Variants in RIMS2 observed in about 807,000 individuals in gnomAD.
RIMS2 encodes regulating synaptic membrane exocytosis 2.
A neutral mutation model predicts 174.4 loss-of-function variants in RIMS2; 59 were observed. That is an observed-to-expected ratio of 0.34 (90% CI 0.27 to 0.42). The LOEUF is 0.42. Ranked by LOEUF, RIMS2 falls within the 10% of genes least tolerant of loss-of-function variation. The pLI, the probability that RIMS2 is intolerant of heterozygous loss-of-function variation, is 1.00. For missense variants in RIMS2, 1,620 were observed against 1,666.3 expected (o/e 0.97, Z 0.48); for synonymous variants, 606 against 572.5 (o/e 1.06, Z -0.84).
intron 3 of RIMS2, among the ~76,000 whole-genome samples, chr8:103,874,058 G>A (rs907649964): frequency 6.6e-6 from 1 of 152,008 alleles, no homozygotes; most frequent in Non-Finnish European, 1.5e-5. Flanking sequence ...CTCCTGTAAA[G>A]CGACCTAGAA....
At chr8:103,689,226 A>G (rs911734219) in intron 1 of RIMS2, among the ~76,000 whole-genome samples, 4 of 151,964 alleles carry the variant, frequency 2.6e-5, no homozygotes, top group African/African-American at 9.7e-5. Context: ...TACTTGATAT[A>G]ATTTTATTTT....
intron 13 of RIMS2, among the ~76,000 whole-genome samples, chr8:103,938,650 C>T (rs1399103166): frequency 2.6e-5 from 4 of 152,160 alleles, no homozygotes; most frequent in East Asian, 3.9e-4. Flanking sequence ...TCAGAATTAA[C>T]TCAAAAGTCC....
At chr8:103,586,734 A>G (rs910400350) in intron 1 of RIMS2, among the ~76,000 whole-genome samples, 2 of 152,126 alleles carry the variant, frequency 1.3e-5, no homozygotes, top group African/African-American at 4.8e-5. Context: ...AAAAGAAAGA[A>G]TAAAGATCAG....
chr8:103,542,367 G>A (rs139183313), intron 1 of RIMS2, among the ~76,000 whole-genome samples: 4 of 152,186 alleles, frequency 2.6e-5, no homozygotes, highest in South Asian at 4.1e-4. Flanking sequence ...TCAAAGCAAA[G>A]CCCAGAACCT....
chr8:103,745,394 T>C (rs955711654), intron 2 of RIMS2, among the ~76,000 whole-genome samples: 9 of 152,220 alleles, frequency 5.9e-5, no homozygotes, highest in Non-Finnish European at 1.0e-4. Context: ...TTGTTGTTTA[T>C]ACTTTTTGGC....
At chr8:104,041,357 A>G (rs1448488343) in intron 19 of RIMS2, 1 of 693,078 alleles carries the variant, frequency 1.4e-6, no homozygotes, top group South Asian at 1.5e-5. Flanking sequence ...GAAGATATGC[A>G]GGTCTGTCTC....
chr8:103,862,913 A>T (rs2099066073), intron 3 of RIMS2, among the ~76,000 whole-genome samples: 1 of 152,120 alleles, frequency 6.6e-6, no homozygotes, highest in Non-Finnish European at 1.5e-5. Flanking sequence ...ATCAGAGATA[A>T]TTTGACTTCC....
At chr8:104,010,240 A>T (rs1398680366) in intron 17 of RIMS2, among the ~76,000 whole-genome samples, 1 of 152,194 alleles carries the variant, frequency 6.6e-6, no homozygotes, top group African/African-American at 2.4e-5. Context: ...AAAATCTTTT[A>T]TGAGCAACTA....
chr8:104,196,509 C>T (rs1053251257), intron 19 of RIMS2, among the ~76,000 whole-genome samples: 2 of 151,890 alleles, frequency 1.3e-5, no homozygotes, highest in African/African-American at 2.4e-5. Context: ...TCTTAGTAAC[C>T]TTAATTTCTA....
chr8:103,981,000 A>G (rs2093853536), intron 16 of RIMS2, among the ~76,000 whole-genome samples: 1 of 152,168 alleles, frequency 6.6e-6, no homozygotes, highest in Non-Finnish European at 1.5e-5. Flanking sequence ...GCCTAGGGGA[A>G]CTTACCACCC....
At chr8:103,646,345 G>T (rs929823735) in intron 1 of RIMS2, among the ~76,000 whole-genome samples, 1 of 151,960 alleles carries the variant, frequency 6.6e-6, no homozygotes, top group African/African-American at 2.4e-5. Context: ...CTAATTTTTC[G>T]TATCATATGC....
At chr8:103,792,253 C>G (rs2098506238) in intron 3 of RIMS2, among the ~76,000 whole-genome samples, 1 of 152,164 alleles carries the variant, frequency 6.6e-6, no homozygotes, top group South Asian at 2.1e-4. Flanking sequence ...AATTAGGACT[C>G]AGGATTAAGA....
At chr8:103,824,602 A>G (rs2098775155) in intron 3 of RIMS2, among the ~76,000 whole-genome samples, 1 of 152,192 alleles carries the variant, frequency 6.6e-6, no homozygotes, top group South Asian at 2.1e-4. Flanking sequence ...GTTTTAAACT[A>G]TGCTTTCTGT....
chr8:103,917,948 A>G lies in RIMS2; in HGVS notation c.2037-493A>G, dbSNP rs1013398713. Among the ~76,000 whole-genome samples, 9 of 152,198 alleles carry G rather than the reference A, an allele frequency of 5.9e-5. 1 individual carries two copies. Among genetic ancestry groups the G allele is most frequent in the African/African-American group, 2.2e-4 (9 of 41,454 alleles). On this transcript the variant is annotated intron_variant, in intron 8 of 23. Coordinates refer to ENST00000504942, the Ensembl canonical transcript of RIMS2. The stretch of plus-strand genomic sequence containing the variant: ...CGCGGCACTGCACTCCAGCCTGGTG[A>G]CAGAGTGAGACTCCATCTTAAAAAA...
At chr8:103,868,464 TAAGTTCTAAAA>T (rs1275442268) in intron 3 of RIMS2, among the ~76,000 whole-genome samples, 3 of 152,082 alleles carry the variant, frequency 2.0e-5, no homozygotes, top group Admixed American at 6.5e-5. Context: ...ATTTTTTGTT[TAAGTTCTAAAA>T]AGGTCATGAA....
At chr8:104,061,792 A>G (rs2096996787) in intron 19 of RIMS2, among the ~76,000 whole-genome samples, 1 of 151,956 alleles carries the variant, frequency 6.6e-6, no homozygotes, top group East Asian at 1.9e-4. Flanking sequence ...TAGATATACC[A>G]TTATGCAATT....
chr8:103,868,157 C>G (rs573959366), intron 3 of RIMS2, among the ~76,000 whole-genome samples: 2 of 151,880 alleles, frequency 1.3e-5, no homozygotes, highest in Non-Finnish European at 2.9e-5. Flanking sequence ...ATTTTTTTAG[C>G]AGTCTTGGTT....
chr8:104,013,692 T>A, intron 18 of RIMS2, 71 bp downstream of exon 20: 1 of 1,274,524 alleles, frequency 7.8e-7, no homozygotes, highest in Non-Finnish European at 1.1e-6. Flanking sequence ...TCCCAACAGT[T>A]AACTGGTCTC....
At chr8:103,925,262 G>C (rs1001097568) in intron 10 of RIMS2, among the ~76,000 whole-genome samples, 1 of 151,450 alleles carries the variant, frequency 6.6e-6, no homozygotes, top group Admixed American at 6.6e-5. Flanking sequence ...CGGTTGCAGT[G>C]TTTTTCCAAG....
Sources: allele counts gnomAD v4.1 joint callset (sites outside exome capture counted in the v4.1 genomes callset), GRCh38; gene constraint gnomAD v4.1.1; transcripts MANE v1.5; gene names NCBI Gene and HGNC (gene_info 2026-07-23, HGNC 2026-07-21).